RANBP2: variants seen among roughly 807,000 people sequenced by gnomAD.
The protein encoded by RANBP2 is E3 SUMO-protein ligase RanBP2.
In RANBP2, 57 loss-of-function variants were observed where a neutral mutation model predicts 303.6. The observed-to-expected ratio is 0.19, with a 90% CI of 0.15 to 0.23. The LOEUF (loss-of-function observed/expected upper bound fraction) is 0.23, where lower values mean the gene tolerates loss of function less well. RANBP2 is among the 10% of genes least tolerant of loss of function. The pLI is 1.00. For synonymous variants in RANBP2, 1,167 were observed against 1,301.5 expected, an observed-to-expected ratio of 0.90 and a Z score of 2.23; for missense variants, 3,138 against 3,780.8, an observed-to-expected ratio of 0.83 and a Z score of 4.46.
At chr2:108,876,034 C>T in the RANBP2 span, 3 of 1,152,906 alleles carry the variant, frequency 2.6e-6, no homozygotes, top group South Asian at 4.6e-5. Flanking sequence ...AGTGTCATTG[C>T]AGATAAACTC....
chr2:109,474,846 T>C, the RANBP2 span, among the ~76,000 whole-genome samples: 3 of 152,224 alleles, frequency 2.0e-5, no homozygotes, highest in Non-Finnish European at 2.9e-5. Flanking sequence ...CGCCAAAGTC[T>C]ACACTCACTC....
intron 25 of RANBP2, among the ~76,000 whole-genome samples, chr2:108,780,869 C>G (rs1356097574): frequency 6.6e-6 from 1 of 152,098 alleles, no homozygotes; most frequent in Non-Finnish European, 1.5e-5. Flanking sequence ...GCCACCATGC[C>G]TGGTTAATTT....
the RANBP2 span, chr2:109,592,937 T>TA: frequency 1.8e-6 from 1 of 548,816 alleles, no homozygotes; most frequent in Non-Finnish European, 3.0e-6. Flanking sequence ...ACGTTGGAGG[T>TA]AAGTACAAAC....
chr2:108,953,245 T>C, the RANBP2 span, among the ~76,000 whole-genome samples: 1 of 152,224 alleles, frequency 6.6e-6, no homozygotes, highest in Non-Finnish European at 1.5e-5. Flanking sequence ...GTGAGGCATC[T>C]GAGCTCTGCT....
At chr2:109,286,731 T>C in the RANBP2 span, among the ~76,000 whole-genome samples, 1 of 152,098 alleles carries the variant, frequency 6.6e-6, no homozygotes, top group Non-Finnish European at 1.5e-5. Flanking sequence ...CCCAGTACCT[T>C]TGGGAGTGTT....
At chr2:109,283,726 C>T in the RANBP2 span, among the ~76,000 whole-genome samples, 1 of 152,210 alleles carries the variant, frequency 6.6e-6, no homozygotes, top group Non-Finnish European at 1.5e-5. Flanking sequence ...GATGCTAAAT[C>T]GCTGGCCTGA....
chr2:109,477,131 T>C, the RANBP2 span, among the ~76,000 whole-genome samples: 1 of 152,208 alleles, frequency 6.6e-6, no homozygotes, highest in Admixed American at 6.5e-5. Flanking sequence ...ATGGAGTTGC[T>C]GTGGTTCAAA....
At chr2:109,181,156 T>C in the RANBP2 span, among the ~76,000 whole-genome samples, 1 of 152,206 alleles carries the variant, frequency 6.6e-6, no homozygotes, top group African/African-American at 2.4e-5. Flanking sequence ...GTGTTTGGTG[T>C]TGGACTTCTG....
the RANBP2 span, among the ~76,000 whole-genome samples, chr2:109,359,334 T>G: frequency 6.6e-6 from 1 of 152,246 alleles, no homozygotes; most frequent in Non-Finnish European, 1.5e-5. Context: ...TGATTGAGAT[T>G]GTGTTAAATC....
At chr2:109,412,995 T>C in the RANBP2 span, among the ~76,000 whole-genome samples, 1 of 152,166 alleles carries the variant, frequency 6.6e-6, no homozygotes, top group African/African-American at 2.4e-5. Flanking sequence ...TTCTGTGTCC[T>C]TGTCAGCCTG....
intron 7 of RANBP2, among the ~76,000 whole-genome samples, chr2:108,741,940 T>C (rs1388892052): frequency 2.6e-5 from 4 of 151,656 alleles, no homozygotes; most frequent in Non-Finnish European, 5.9e-5. Flanking sequence ...GATTTTTTGC[T>C]TGGGGAGGGA....
At chr2:109,195,937 C>A in the RANBP2 span, among the ~76,000 whole-genome samples, 7 of 152,332 alleles carry the variant, frequency 4.6e-5, no homozygotes, top group East Asian at 1.4e-3. Context: ...GCACCTCGCC[C>A]TGCAGCGAGA....
chr2:108,920,856 C>T, the RANBP2 span, among the ~76,000 whole-genome samples: 8 of 152,324 alleles, frequency 5.3e-5, no homozygotes, highest in East Asian at 1.5e-3. Flanking sequence ...CTGAGCCACA[C>T]AGGAGCCTGG....
the RANBP2 span, among the ~76,000 whole-genome samples, chr2:109,265,759 T>TA: frequency 6.6e-6 from 1 of 152,076 alleles, no homozygotes; most frequent in Non-Finnish European, 1.5e-5. Flanking sequence ...ATGTTTAATT[T>TA]AAAAAAAGAG....
At chr2:109,201,729 G>A in the RANBP2 span, among the ~76,000 whole-genome samples, 3 of 152,234 alleles carry the variant, frequency 2.0e-5, no homozygotes, top group African/African-American at 7.2e-5. Context: ...GCCACGTACA[G>A]CCCAGGGGCA....
the RANBP2 span, among the ~76,000 whole-genome samples, chr2:109,479,600 G>A: frequency 3.9e-5 from 6 of 152,294 alleles, no homozygotes; most frequent in East Asian, 5.8e-4. Flanking sequence ...AGGTGTGCCC[G>A]TACAGGACTG....
At chr2:109,681,961 A>C in the RANBP2 span, among the ~76,000 whole-genome samples, 3 of 152,222 alleles carry the variant, frequency 2.0e-5, no homozygotes, top group Non-Finnish European at 4.4e-5. Context: ...TCACTGAGGC[A>C]CTTGCTGTAA....
At chr2:109,303,888 G>A in the RANBP2 span, among the ~76,000 whole-genome samples, 1 of 151,968 alleles carries the variant, frequency 6.6e-6, no homozygotes, top group Non-Finnish European at 1.5e-5. Flanking sequence ...TATTAACATT[G>A]TTATTATTTT....
At chr2:109,713,367 C>A in the RANBP2 span, among the ~76,000 whole-genome samples, 2 of 152,082 alleles carry the variant, frequency 1.3e-5, no homozygotes, top group Admixed American at 1.3e-4. Flanking sequence ...TCATCCCCCA[C>A]AAAGGACAGC....
Sources: gnomAD v4.1 joint callset for allele counts (sites outside exome capture counted in the v4.1 genomes callset) on GRCh38, gnomAD v4.1.1 for gene constraint, MANE v1.5 for transcripts, NCBI Gene and HGNC (gene_info 2026-07-23, HGNC 2026-07-21) for gene names.